The following RAPGEF6 variants were observed in gnomAD, a reference collection of about 807,000 sequenced individuals.
The protein encoded by RAPGEF6 is PDZ domain containing guanine nucleotide exchange factor (GEF) 2.
Under a neutral mutation model 171.4 loss-of-function variants are expected in RAPGEF6, and 56 were observed. That is an observed-to-expected ratio of 0.33 (90% CI 0.26 to 0.41). The LOEUF is 0.41. Ranked by LOEUF, RAPGEF6 falls within the 10% of genes least tolerant of loss-of-function variation. RAPGEF6 has a pLI of 1.00. For missense variants in RAPGEF6, 1,674 were observed against 1,921.4 expected (o/e 0.87, Z 2.41); for synonymous variants, 692 against 650.1 (o/e 1.06, Z -0.98).
At chr5:131,438,486 A>C (rs1215516912) in intron 24 of RAPGEF6, among the ~76,000 whole-genome samples, 2 of 152,212 alleles carry the variant, frequency 1.3e-5, no homozygotes, top group African/African-American at 2.4e-5. Context: ...TTATTATAAT[A>C]AGCTTGTCTT....
chr5:131,439,980 A>G (rs1752272541), intron 23 of RAPGEF6: 1 of 520,062 alleles, frequency 1.9e-6, no homozygotes, highest in South Asian at 2.0e-5. Context: ...AAATCAATTT[A>G]ACAGTCTGAG....
intron 15 of RAPGEF6, among the ~76,000 whole-genome samples, chr5:131,482,218 T>C (rs970600185): frequency 1.3e-5 from 2 of 152,216 alleles, no homozygotes; most frequent in Non-Finnish European, 2.9e-5. Context: ...AAATAAAATA[T>C]TTAACAAATT....
intron 15 of RAPGEF6, among the ~76,000 whole-genome samples, chr5:131,482,927 C>T (rs187548231): frequency 6.6e-6 from 1 of 152,304 alleles, no homozygotes; most frequent in Admixed American, 6.5e-5. Context: ...GACTAGAGAA[C>T]AAGCTAGAGA....
chr5:131,508,215 A>G lies in RAPGEF6; in HGVS notation c.806-8T>C, dbSNP rs756992436. On this transcript the variant is annotated splice_region_variant and splice_polypyrimidine_tract_variant and intron_variant, in intron 8 of 27. Transcript: ENST00000509018. ...TAAACTCCAGCAATTGTTCTATAAGAAAACAGAAATTCTGGTATAAAGACC... is the reference window on the plus strand; with the variant it reads ...TAAACTCCAGCAATTGTTCTATAAGGAAACAGAAATTCTGGTATAAAGACC... 1 of 1,600,642 alleles carries G rather than the reference A, an allele frequency of 6.2e-7. No homozygotes were observed. The highest frequency in any genetic ancestry group is 1.1e-5 in the South Asian group (1 of 88,284).
At chr5:131,527,958 T>C (rs1348057007) in intron 6 of RAPGEF6, among the ~76,000 whole-genome samples, 3 of 148,942 alleles carry the variant, frequency 2.0e-5, no homozygotes, top group African/African-American at 7.5e-5. Flanking sequence ...GAGCTTGCAG[T>C]GAGCCGAAAC....
chr5:131,532,101 T>C (rs1580982069), intron 6 of RAPGEF6: 1 of 439,404 alleles, frequency 2.3e-6, no homozygotes, highest in Non-Finnish European at 4.5e-6. Flanking sequence ...AATTACTTAC[T>C]TTGGAGGCCC....
At chr5:131,600,072 T>C (rs1764137710) in intron 3 of RAPGEF6, among the ~76,000 whole-genome samples, 1 of 152,240 alleles carries the variant, frequency 6.6e-6, no homozygotes, top group Non-Finnish European at 1.5e-5. Flanking sequence ...TAACAACTTC[T>C]CTGTATGAAG....
rs1280865850 is a variant in RAPGEF6, at chr5:131,488,077, G to A, written c.1840+1469C>T. On this transcript the variant is annotated intron_variant, in intron 15 of 27. Transcript: ENST00000509018. ...TTTGCTTTCCTCCTAGGGTAAGGAA[G>A]AAAGAGGTGACTGCTATGTTCCCCC... 2.0e-5 allele frequency among the ~76,000 whole-genome samples: 3 copies of A among 152,226 alleles called. No homozygotes were observed. The South Asian group carries it at 6.2e-4, about 32-fold the overall frequency.
chr5:131,622,658 G>A (rs898801264), intron 1 of RAPGEF6, among the ~76,000 whole-genome samples: 2 of 152,162 alleles, frequency 1.3e-5, no homozygotes, highest in Non-Finnish European at 2.9e-5. Flanking sequence ...CACGTAAAAT[G>A]ATGGGCCTGG....
At chr5:131,445,241 T>C (rs1359936487) in intron 22 of RAPGEF6, among the ~76,000 whole-genome samples, 2 of 152,250 alleles carry the variant, frequency 1.3e-5, no homozygotes, top group Non-Finnish European at 2.9e-5. Context: ...GTTTTGATTA[T>C]AGCACTTATT....
intron 27 of RAPGEF6, among the ~76,000 whole-genome samples, chr5:131,427,926 G>A (rs750135851): frequency 3.3e-5 from 5 of 151,878 alleles, no homozygotes; most frequent in Admixed American, 1.3e-4. Flanking sequence ...TGGGCAACAT[G>A]GTAAAATGCT....
At chr5:131,599,492 CCA>C (rs2150010695) in intron 3 of RAPGEF6, among the ~76,000 whole-genome samples, 1 of 141,744 alleles carries the variant, frequency 7.1e-6, no homozygotes, top group Admixed American at 7.1e-5. Context: ...AATAAAGAGA[CCA>C]CACAGAGATA....
intron 18 of RAPGEF6, among the ~76,000 whole-genome samples, chr5:131,463,320 C>A (rs892269506): frequency 2.0e-5 from 3 of 152,036 alleles, no homozygotes; most frequent in Non-Finnish European, 4.4e-5. Flanking sequence ...AGCTCACACT[C>A]GTAATGCCAG....
chr5:131,576,559 C>A (rs1317707471), intron 4 of RAPGEF6, among the ~76,000 whole-genome samples: 1 of 152,180 alleles, frequency 6.6e-6, no homozygotes, highest in Non-Finnish European at 1.5e-5. Flanking sequence ...GAGTCATTCA[C>A]CGCAAGGGGC....
chr5:131,456,654 A>G (rs1187134040), intron 19 of RAPGEF6, among the ~76,000 whole-genome samples: 1 of 152,220 alleles, frequency 6.6e-6, no homozygotes, highest in Non-Finnish European at 1.5e-5. Context: ...CAGTACCATC[A>G]CATAGGTAGG....
chr5:131,530,639 G>C (rs1484079831), intron 6 of RAPGEF6, among the ~76,000 whole-genome samples: 1 of 152,140 alleles, frequency 6.6e-6, no homozygotes, highest in Non-Finnish European at 1.5e-5. Context: ...ACAAATACTT[G>C]ATTTACACAG....
intron 18 of RAPGEF6, among the ~76,000 whole-genome samples, chr5:131,462,308 ATGT>A (rs1356454777): frequency 6.6e-5 from 10 of 152,194 alleles, no homozygotes; most frequent in Non-Finnish European, 1.0e-4. Flanking sequence ...AGTAAAAATA[ATGT>A]TGTTATGTCA....
At chr5:131,451,005 T>C (rs1234519501) in intron 21 of RAPGEF6, among the ~76,000 whole-genome samples, 1 of 152,192 alleles carries the variant, frequency 6.6e-6, no homozygotes. Context: ...GATGTTAACA[T>C]GTGTAAGTAA....
intron 14 of RAPGEF6, among the ~76,000 whole-genome samples, chr5:131,491,396 TTAAAA>T (rs1487926837): frequency 2.6e-5 from 4 of 152,160 alleles, no homozygotes; most frequent in African/African-American, 4.8e-5. Context: ...CATGGCTCCG[TTAAAA>T]TAAAGCCACA....
Sources: allele counts gnomAD v4.1 joint callset (sites outside exome capture counted in the v4.1 genomes callset), GRCh38; gene constraint gnomAD v4.1.1; transcripts MANE v1.5; gene names NCBI Gene and HGNC (gene_info 2026-07-23, HGNC 2026-07-21).